Variants in ARHGAP24 observed in about 807,000 individuals in gnomAD.
The protein encoded by ARHGAP24 is rho GTPase-activating protein 24.
ARHGAP24 carries 50 observed loss-of-function variants against 76.4 expected under a neutral mutation model. The ratio of observed to expected loss-of-function variants is 0.65; its 90% CI spans 0.52 to 0.83. The LOEUF (loss-of-function observed/expected upper bound fraction) is 0.83, where lower values mean the gene tolerates loss of function less well. Ranked by LOEUF, ARHGAP24 falls within the 40% of genes least tolerant of loss-of-function variation. The pLI, the probability that ARHGAP24 is intolerant of heterozygous loss-of-function variation, is 0.00. For missense variants in ARHGAP24, 930 were observed against 914.2 expected, an observed-to-expected ratio of 1.02 and a Z score of -0.22; for synonymous variants, 345 against 323.3, an observed-to-expected ratio of 1.07 and a Z score of -0.72.
rs142861842 is a variant in ARHGAP24 at position 85,629,485 on chromosome 4, A to G, written c.180+58764A>G. On this transcript the variant is annotated intron_variant, in intron 2 of 9. Coordinates refer to ENST00000395184, the MANE Select transcript of ARHGAP24 (RefSeq NM_001025616.3). ...TGTTTTCACATTGTTTGTTAGCATCATTTTGTTTCAACTTGAAGAACTTCC... is the reference window on the plus strand; with the variant it reads ...TGTTTTCACATTGTTTGTTAGCATCGTTTTGTTTCAACTTGAAGAACTTCC... Among the ~76,000 whole-genome samples the G allele has an allele frequency of 2.2e-3, 333 of 152,224 alleles. 1 individual carries two copies. Among genetic ancestry groups the G allele is most frequent in the African/African-American group, 7.5e-3 (312 of 41,558 alleles).
chr4:85,881,478 T>C (rs1385381506), intron 3 of ARHGAP24, among the ~76,000 whole-genome samples: 1 of 152,032 alleles, frequency 6.6e-6, no homozygotes, highest in African/African-American at 2.4e-5. Flanking sequence ...TTTAATTTTT[T>C]AACATGATTT....
intron 8 of ARHGAP24, chr4:85,991,431 T>C (rs1740312667): frequency 6.6e-6 from 1 of 152,142 alleles, no homozygotes; most frequent in Admixed American, 6.6e-5. Context: ...ACACTATTCA[T>C]ATTAGCCCCA....
intron 3 of ARHGAP24, among the ~76,000 whole-genome samples, chr4:85,799,708 A>G (rs1369401668): frequency 6.6e-6 from 1 of 152,178 alleles, no homozygotes; most frequent in Non-Finnish European, 1.5e-5. Flanking sequence ...AATAACTATA[A>G]AGAGAAAGAT....
chr4:85,503,021 T>G (rs1015412748), intron 1 of ARHGAP24, among the ~76,000 whole-genome samples: 2 of 152,222 alleles, frequency 1.3e-5, no homozygotes, highest in Non-Finnish European at 2.9e-5. Flanking sequence ...GGATTACAAT[T>G]ATTGATTTGC....
Position 85,531,797 on chromosome 4 carries a change from G to A in ARHGAP24, c.-20-38725G>A, listed in dbSNP as rs994613832. 2.6e-5 allele frequency among the ~76,000 whole-genome samples: 4 copies of A among 151,994 alleles called. No homozygotes were observed. In the East Asian group the frequency reaches 7.7e-4, roughly 29 times the overall value. On this transcript the variant is annotated intron_variant, in intron 1 of 9. Coordinates refer to ENST00000395184, the MANE Select transcript of ARHGAP24 (RefSeq NM_001025616.3). ...CAAGTGTACAAGATCACTTATATAA[G>A]CTAAGAAAGACCAGTCCTGGGACTT...
intron 2 of ARHGAP24, among the ~76,000 whole-genome samples, chr4:85,625,718 A>G (rs1471147761): frequency 2.0e-5 from 3 of 152,172 alleles, no homozygotes; most frequent in African/African-American, 7.2e-5. Flanking sequence ...GTCTCTTTGT[A>G]GGTCACTAAG....
intron 1 of ARHGAP24, among the ~76,000 whole-genome samples, chr4:85,520,158 T>C (rs1413382596): frequency 6.6e-6 from 1 of 152,026 alleles, no homozygotes; most frequent in Non-Finnish European, 1.5e-5. Context: ...ATAAAAGAGG[T>C]TTTAATTTCC....
At chr4:85,693,254 G>A (rs143716121) in intron 2 of ARHGAP24, among the ~76,000 whole-genome samples, 332 of 152,226 alleles carry the variant, frequency 2.2e-3, no homozygotes, top group Non-Finnish European at 3.9e-3. Context: ...TGGGCCTTGG[G>A]GGAGCACCCT....
chr4:85,540,790 A>G (rs1725646555), intron 1 of ARHGAP24, among the ~76,000 whole-genome samples: 2 of 152,068 alleles, frequency 1.3e-5, no homozygotes, highest in South Asian at 2.1e-4. Context: ...TTATTAGCAA[A>G]CAATTCTCCA....
intron 3 of ARHGAP24, among the ~76,000 whole-genome samples, chr4:85,852,473 A>G (rs1731291983): frequency 6.6e-6 from 1 of 152,168 alleles, no homozygotes; most frequent in African/African-American, 2.4e-5. Context: ...GTCATTCTCC[A>G]TCCAGCCTTG....
chr4:85,655,954 C>G (rs755579288), intron 2 of ARHGAP24, among the ~76,000 whole-genome samples: 1 of 151,594 alleles, frequency 6.6e-6, no homozygotes, highest in Non-Finnish European at 1.5e-5. Context: ...TTTTATTCAG[C>G]AACTGATAAG....
At chr4:85,737,006 G>A (rs1725630263) in intron 3 of ARHGAP24, among the ~76,000 whole-genome samples, 1 of 152,058 alleles carries the variant, frequency 6.6e-6, no homozygotes, top group Non-Finnish European at 1.5e-5. Flanking sequence ...CATCTTCTCT[G>A]TCATCTTTCC....
chr4:85,611,284 A>G (rs986479413), intron 2 of ARHGAP24, among the ~76,000 whole-genome samples: 2 of 152,190 alleles, frequency 1.3e-5, no homozygotes, highest in Non-Finnish European at 2.9e-5. Flanking sequence ...GACCTGGTAA[A>G]TGTAGGGAGT....
intron 2 of ARHGAP24, among the ~76,000 whole-genome samples, chr4:85,696,472 T>C (rs1263580066): frequency 6.6e-6 from 1 of 152,220 alleles, no homozygotes; most frequent in Non-Finnish European, 1.5e-5. Flanking sequence ...TCAGGAAATA[T>C]ACAATCCTAT....
chr4:85,792,395 A>G (rs1417204566), intron 3 of ARHGAP24, among the ~76,000 whole-genome samples: 2 of 152,326 alleles, frequency 1.3e-5, no homozygotes, highest in African/African-American at 4.8e-5. Flanking sequence ...TGTTCTACTC[A>G]TAGCACAAAC....
At chr4:85,855,734 C>T (rs546562025) in intron 3 of ARHGAP24, among the ~76,000 whole-genome samples, 233 of 149,476 alleles carry the variant, frequency 1.6e-3, no homozygotes, top group Non-Finnish European at 2.9e-3. Flanking sequence ...TCTGAGATTG[C>T]GCCATTGCAC....
chr4:85,963,592 G>C (rs1738388448), intron 5 of ARHGAP24, among the ~76,000 whole-genome samples: 1 of 151,798 alleles, frequency 6.6e-6, no homozygotes, highest in Admixed American at 6.6e-5. Flanking sequence ...TTCTTTTTTG[G>C]TTAAAACACC....
At chr4:85,934,926 T>C (rs1408316489) in intron 4 of ARHGAP24, among the ~76,000 whole-genome samples, 5 of 151,440 alleles carry the variant, frequency 3.3e-5, no homozygotes, top group African/African-American at 7.3e-5. Context: ...TGCGTGCACA[T>C]ACACACACAC....
intron 3 of ARHGAP24, among the ~76,000 whole-genome samples, chr4:85,833,242 T>C (rs747383060): frequency 5.3e-5 from 8 of 152,196 alleles, no homozygotes; most frequent in Non-Finnish European, 1.0e-4. Flanking sequence ...AATGACACAC[T>C]GTCAGCTATG....
Sources: allele counts gnomAD v4.1 joint callset (sites outside exome capture counted in the v4.1 genomes callset), GRCh38; gene constraint gnomAD v4.1.1; transcripts MANE v1.5; gene names NCBI Gene and HGNC (gene_info 2026-07-23, HGNC 2026-07-21).